The following TRABD2B variants were observed in gnomAD, a reference collection of about 807,000 sequenced individuals.
TRABD2B encodes the protein TraB domain containing 2B, also known as metalloprotease TIKI2.
Under a neutral mutation model 40.1 loss-of-function variants are expected in TRABD2B, and 14 were observed. The observed-to-expected ratio is 0.35, with a 90% CI of 0.23 to 0.55. The LOEUF is 0.55. TRABD2B is among the 20% of genes least tolerant of loss of function. The pLI is 0.90. For missense variants in TRABD2B, 541 were observed against 648.6 expected (o/e 0.83, Z 1.80); for synonymous variants, 263 against 277.0 (o/e 0.95, Z 0.50).
At chr1:47,954,979 A>G (rs1231274735) in intron 2 of TRABD2B, among the ~76,000 whole-genome samples, 1 of 151,974 alleles carries the variant, frequency 6.6e-6, no homozygotes, top group Non-Finnish European at 1.5e-5. Context: ...CCTACTCCCT[A>G]GGGCCCAACT....
intron 2 of TRABD2B, among the ~76,000 whole-genome samples, chr1:47,822,528 C>T (rs1046885826): frequency 3.9e-5 from 6 of 152,144 alleles, no homozygotes; most frequent in Non-Finnish European, 8.8e-5. Context: ...CTTGCTCACT[C>T]TGTGACTCTG....
Position 47,996,345 on chromosome 1 carries a change from G to C in TRABD2B, c.102+343C>G, listed in dbSNP as rs972589844. ...CGGTAGAAAAACACAGTCAGAAGCG[G>C]GCAGAGAGACCAGAAGGGTAAAGAC... On this transcript the variant is annotated intron_variant, in intron 1 of 6. Transcript: ENST00000606738. The surrounding 1 kb of genome is among the most constrained non-coding windows in gnomAD (Gnocchi z 4.6). 2.0e-5 allele frequency among the ~76,000 whole-genome samples: 3 copies of C among 152,156 alleles called. No homozygotes were observed. Among genetic ancestry groups the C allele is most frequent in the African/African-American group, 7.2e-5 (3 of 41,436 alleles).
At chr1:47,959,695 G>C (rs1357412098) in intron 2 of TRABD2B, among the ~76,000 whole-genome samples, 1 of 152,114 alleles carries the variant, frequency 6.6e-6, no homozygotes, top group Non-Finnish European at 1.5e-5. Flanking sequence ...ACCAATAACA[G>C]GCTCTGAAAT....
At chr1:47,967,858 T>C (rs1471452355) in intron 2 of TRABD2B, among the ~76,000 whole-genome samples, 2 of 152,258 alleles carry the variant, frequency 1.3e-5, no homozygotes, top group Non-Finnish European at 2.9e-5. Flanking sequence ...AAACTTTTCA[T>C]CCAACATGGT....
rs184356484 is a variant in TRABD2B, at chr1:47,923,705, G to A, written c.666+70329C>T. Among the ~76,000 whole-genome samples, 3 of 152,124 alleles carry A rather than the reference G, an allele frequency of 2.0e-5. No homozygotes were observed. In the East Asian group the frequency reaches 5.8e-4, roughly 29 times the overall value. On this transcript the variant is annotated intron_variant, in intron 2 of 6. Transcript: ENST00000606738. ...GCAGATTACTTCTATAACGTGGGTG[G>A]GCCTCATCCAATCAGTTGAAGGCTT...
intron 2 of TRABD2B, among the ~76,000 whole-genome samples, chr1:47,876,561 CG>C (rs1644228215): frequency 6.6e-6 from 1 of 152,162 alleles, no homozygotes; most frequent in Non-Finnish European, 1.5e-5. Flanking sequence ...AGGAAATCCC[CG>C]CAACTTCAGG....
At chr1:47,810,696 G>A (rs1644953051) in intron 2 of TRABD2B, among the ~76,000 whole-genome samples, 1 of 152,248 alleles carries the variant, frequency 6.6e-6, no homozygotes, top group Non-Finnish European at 1.5e-5. Context: ...TCACGAAGGT[G>A]TGGGCAGGCC....
rs370004573 is a variant in TRABD2B, at chr1:47,844,642, T to C, written c.667-43023A>G. ...GGTAAGGCAGAATGAACTAAATTCT[T>C]CACAGGAGAAAAAAGCATAAAGTGA... On this transcript the variant is annotated intron_variant, in intron 2 of 6. Coordinates refer to ENST00000606738, the MANE Select transcript of TRABD2B (RefSeq NM_001194986.2). Among the ~76,000 whole-genome samples, 6 of 152,244 alleles carry C rather than the reference T, an allele frequency of 3.9e-5. 1 individual carries two copies. Among genetic ancestry groups the C allele is most frequent in the African/African-American group, 1.4e-4 (6 of 41,540 alleles).
chr1:47,811,408 C>T lies in TRABD2B; in HGVS notation c.667-9789G>A, dbSNP rs530285501. 1.2e-4 allele frequency among the ~76,000 whole-genome samples: 18 copies of T among 152,308 alleles called. No homozygotes were observed. In the South Asian group the frequency reaches 3.3e-3, roughly 28 times the overall value. On this transcript the variant is annotated intron_variant, in intron 2 of 6. Transcript: ENST00000606738. ...CAGTGGGCTGGCTGAGCTCTCAGTG[C>T]TTTCCTGGGCGGGCATCGGGAAGCC...
At chr1:47,808,681 C>CTTGA (rs1401878270) in intron 2 of TRABD2B, among the ~76,000 whole-genome samples, 1 of 152,134 alleles carries the variant, frequency 6.6e-6, no homozygotes, top group Non-Finnish European at 1.5e-5. Context: ...AAACTGAGCC[C>CTTGA]TTGAGGAGGG....
intron 5 of TRABD2B, among the ~76,000 whole-genome samples, chr1:47,777,863 T>A (rs1021381522): frequency 6.6e-6 from 1 of 152,064 alleles, no homozygotes; most frequent in African/African-American, 2.4e-5. Flanking sequence ...ACTGAGCTGG[T>A]CCCTACCCTC....
chr1:47,942,332 T>G (rs1645199026), intron 2 of TRABD2B, among the ~76,000 whole-genome samples: 1 of 152,084 alleles, frequency 6.6e-6, no homozygotes, highest in Admixed American at 6.5e-5. Flanking sequence ...TTTAAGCACT[T>G]AAGAGCAGAG....
intron 2 of TRABD2B, among the ~76,000 whole-genome samples, chr1:47,895,923 C>T (rs1215521023): frequency 1.3e-5 from 2 of 152,242 alleles, no homozygotes; most frequent in African/African-American, 2.4e-5. Flanking sequence ...ATCACTGGGA[C>T]TTGTCCCACC....
intron 2 of TRABD2B, among the ~76,000 whole-genome samples, chr1:47,990,972 A>C (rs1646002835): frequency 6.6e-6 from 1 of 151,356 alleles, no homozygotes; most frequent in Non-Finnish European, 1.5e-5. Flanking sequence ...TCATAGCCGA[A>C]GGAAATATCT....
chr1:47,876,052 G>C (rs1644221417), intron 2 of TRABD2B, among the ~76,000 whole-genome samples: 1 of 152,206 alleles, frequency 6.6e-6, no homozygotes, highest in South Asian at 2.1e-4. Context: ...AAAGGAAATG[G>C]TGCTCCCTCC....
At chr1:47,980,275 T>C (rs998666574) in intron 2 of TRABD2B, among the ~76,000 whole-genome samples, 7 of 152,148 alleles carry the variant, frequency 4.6e-5, no homozygotes, top group African/African-American at 1.4e-4. Flanking sequence ...TGTCCTTCAA[T>C]ACAGCTCAAG....
At chr1:47,974,625 G>A (rs1645728692) in intron 2 of TRABD2B, among the ~76,000 whole-genome samples, 1 of 152,298 alleles carries the variant, frequency 6.6e-6, no homozygotes, top group Non-Finnish European at 1.5e-5. Context: ...TACATTTTCA[G>A]CATCTGTACC....
chr1:47,890,904 G>A (rs1570225136), intron 2 of TRABD2B, among the ~76,000 whole-genome samples: 1 of 152,332 alleles, frequency 6.6e-6, no homozygotes, highest in Non-Finnish European at 1.5e-5. Flanking sequence ...GCTGTCCTTG[G>A]CACTAGTGCC....
At chr1:47,838,653 C>T (rs150024944) in intron 2 of TRABD2B, among the ~76,000 whole-genome samples, 313 of 152,324 alleles carry the variant, frequency 2.1e-3, no homozygotes, top group African/African-American at 7.0e-3. Flanking sequence ...CCTTTGGTGA[C>T]ACTTGTAAGG....
Sources: gnomAD v4.1 joint callset for allele counts (sites outside exome capture counted in the v4.1 genomes callset) on GRCh38, gnomAD v4.1.1 for gene constraint, Gnocchi (gnomAD v3.1) non-coding constraint, MANE v1.5 for transcripts, NCBI Gene and HGNC (gene_info 2026-07-23, HGNC 2026-07-21) for gene names.